Variants in TSPAN7 observed in about 807,000 individuals in gnomAD.
TSPAN7 encodes tetraspanin-7.
TSPAN7 carries 1 observed loss-of-function variant against 17.6 expected under a neutral mutation model. The observed-to-expected ratio is 0.06, with a 90% CI of 0.02 to 0.27. TSPAN7 has a LOEUF of 0.27. Ranked by LOEUF, TSPAN7 falls within the 10% of genes least tolerant of loss-of-function variation. The pLI, the probability that TSPAN7 is intolerant of heterozygous loss-of-function variation, is 1.00. For missense variants in TSPAN7, 112 were observed against 201.7 expected, an observed-to-expected ratio of 0.56 and a Z score of 2.69; for synonymous variants, 78 against 79.0, an observed-to-expected ratio of 0.99 and a Z score of 0.07.
At chrX:38,672,384 T>C (rs777954627) in intron 3 of TSPAN7, among the ~76,000 whole-genome samples, 1 of 109,965 alleles carries the variant, frequency 9.1e-6, no homozygotes, top group African/African-American at 3.3e-5. Context: ...ACTATTGTGC[T>C]TGGCCAAGTT....
At chrX:38,644,377 A>G (rs1239516905) in intron 1 of TSPAN7, among the ~76,000 whole-genome samples, 1 of 112,035 alleles carries the variant, frequency 8.9e-6, no homozygotes, top group African/African-American at 3.2e-5. Context: ...AAATCTTCAT[A>G]TAGTCTATCA....
chrX:38,631,532 C>T (rs1006372424), intron 1 of TSPAN7, among the ~76,000 whole-genome samples: 1 of 111,132 alleles, frequency 9.0e-6, no homozygotes, highest in Non-Finnish European at 1.9e-5. Flanking sequence ...AACTTGCTTA[C>T]TTCTGATTGG....
At chrX:38,622,722 T>C (rs918754912) in intron 1 of TSPAN7, among the ~76,000 whole-genome samples, 2 of 111,937 alleles carry the variant, frequency 1.8e-5, no homozygotes, top group African/African-American at 6.5e-5. Flanking sequence ...AGTAAGCCCA[T>C]GGTGAGGCAA....
chrX:38,612,962 C>T (rs983027906), intron 1 of TSPAN7, among the ~76,000 whole-genome samples: 1 of 111,798 alleles, frequency 8.9e-6, no homozygotes, highest in Non-Finnish European at 1.9e-5. Flanking sequence ...GCTGGGCATT[C>T]TATGACATAC....
chrX:38,569,967 T>C (rs1364729504), intron 1 of TSPAN7, among the ~76,000 whole-genome samples: 1 of 112,016 alleles, frequency 8.9e-6, no homozygotes, highest in Non-Finnish European at 1.9e-5. Context: ...TAAAAAGCTT[T>C]TGGATTTCAA....
At chrX:38,652,086 C>T (rs2069678762) in intron 1 of TSPAN7, among the ~76,000 whole-genome samples, 1 of 111,846 alleles carries the variant, frequency 8.9e-6, no homozygotes, top group Admixed American at 9.4e-5. Flanking sequence ...TTACACTGAA[C>T]AGGCTTTTCT....
intron 1 of TSPAN7, among the ~76,000 whole-genome samples, chrX:38,583,643 G>T (rs190749322): frequency 1.6e-3 from 184 of 112,053 alleles, no homozygotes; most frequent in Non-Finnish European, 2.9e-3. Flanking sequence ...GAGCCTACTT[G>T]ATAGAGTCAT....
At position 38,666,339 on chromosome X, in the gene TSPAN7, C is replaced by G. The variant is rs191183534; in HGVS notation, c.270+30C>G. 5.9e-6 allele frequency: 7 copies of G among 1,186,507 alleles called. No individual in the cohort carries two copies. In the East Asian group the frequency reaches 2.1e-4, roughly 35 times the overall value. On this transcript the variant is annotated intron_variant, in intron 2 of 7. Transcript: ENST00000378482. Reference sequence around the variant, plus strand: ...GTATGTCACAACATAATACTGCTTTCTCAACTATATTTTTGTAAAAATATA... The same window carrying G: ...GTATGTCACAACATAATACTGCTTTGTCAACTATATTTTTGTAAAAATATA...
intron 1 of TSPAN7, among the ~76,000 whole-genome samples, chrX:38,663,970 C>A (rs1316221978): frequency 8.9e-6 from 1 of 112,653 alleles, no homozygotes; most frequent in Admixed American, 9.4e-5. Context: ...GGGAGCAATA[C>A]CATGAAGTCA....
In TSPAN7 at chrX:38,659,231, G is replaced by A. The variant is rs777641936; in HGVS notation, c.82-6890G>A. 4.5e-5 allele frequency among the ~76,000 whole-genome samples: 5 copies of A among 111,401 alleles called. No homozygotes were observed. The Middle Eastern group carries it at 0.014, about 305-fold the overall frequency. On this transcript the variant is annotated intron_variant, in intron 1 of 7. Transcript: ENST00000378482. ...TGCGTGTCTGTGTAAAACTACAAACGCATGTCCTGCTGGGCATTCTTCCTA... is the reference window on the plus strand; with the variant it reads ...TGCGTGTCTGTGTAAAACTACAAACACATGTCCTGCTGGGCATTCTTCCTA...
intron 1 of TSPAN7, among the ~76,000 whole-genome samples, chrX:38,650,366 G>A (rs1270328834): frequency 8.9e-6 from 1 of 112,641 alleles, no homozygotes; most frequent in Non-Finnish European, 1.9e-5. Flanking sequence ...GATGTAAGAG[G>A]TCAGAATATA....
At chrX:38,656,004 C>T in intron 1 of TSPAN7, 1 of 325,160 alleles carries the variant, frequency 3.1e-6, no homozygotes, top group Non-Finnish European at 6.0e-6. Flanking sequence ...AGATTCATTC[C>T]CATCCAAAAT....
chrX:38,584,495 C>G (rs757753658), intron 1 of TSPAN7, among the ~76,000 whole-genome samples: 2 of 111,458 alleles, frequency 1.8e-5, no homozygotes, highest in South Asian at 7.6e-4. Context: ...GAAAATTTCT[C>G]CACTCATTTC....
intron 1 of TSPAN7, among the ~76,000 whole-genome samples, chrX:38,605,140 T>A (rs1418634702): frequency 9.1e-6 from 1 of 109,489 alleles, no homozygotes; most frequent in Non-Finnish European, 1.9e-5. Context: ...GCAGACGACA[T>A]GATTGTATAT....
chrX:38,626,698 T>C (rs1426805912), intron 1 of TSPAN7, among the ~76,000 whole-genome samples: 2 of 111,801 alleles, frequency 1.8e-5, no homozygotes, highest in African/African-American at 6.5e-5. Context: ...GGGAAGACTT[T>C]GGGTAGGTGT....
chrX:38,668,517 A>G (rs2069798106), intron 2 of TSPAN7, among the ~76,000 whole-genome samples: 1 of 112,118 alleles, frequency 8.9e-6, no homozygotes. Flanking sequence ...CTTTTAGATC[A>G]AATTTTAGAT....
intron 1 of TSPAN7, among the ~76,000 whole-genome samples, chrX:38,603,295 T>C (rs1038003085): frequency 8.9e-6 from 1 of 112,152 alleles, no homozygotes; most frequent in Non-Finnish European, 1.9e-5. Flanking sequence ...GGAACCCTAA[T>C]ACATCGCTGG....
chrX:38,645,270 A>G, intron 1 of TSPAN7, among the ~76,000 whole-genome samples: 1 of 112,415 alleles, frequency 8.9e-6, no homozygotes, highest in Non-Finnish European at 1.9e-5. Context: ...CTGTGAGCCC[A>G]TTGCTTCCTG....
intron 1 of TSPAN7, chrX:38,562,919 C>T (rs1452068399): frequency 2.3e-6 from 2 of 864,272 alleles, no homozygotes; most frequent in Non-Finnish European, 2.9e-6. Flanking sequence ...CTTCTTGCAC[C>T]CCTCACCCCC....
Sources: gnomAD v4.1 joint callset for allele counts (sites outside exome capture counted in the v4.1 genomes callset) on GRCh38, gnomAD v4.1.1 for gene constraint, MANE v1.5 for transcripts, NCBI Gene and HGNC (gene_info 2026-07-23, HGNC 2026-07-21) for gene names.